EXT2: variants seen among roughly 807,000 people sequenced by gnomAD.
EXT2 encodes the protein exostosin-2.
In EXT2, 53 loss-of-function variants were observed where a neutral mutation model predicts 81.6. That is an observed-to-expected ratio of 0.65 (90% CI 0.52 to 0.82). The LOEUF is 0.82. Ranked by LOEUF, EXT2 falls within the 40% of genes least tolerant of loss-of-function variation. The pLI, the probability that EXT2 is intolerant of heterozygous loss-of-function variation, is 0.00. For missense variants in EXT2, 774 were observed against 910.2 expected (o/e 0.85, Z 1.93); for synonymous variants, 320 against 340.0 (o/e 0.94, Z 0.65).
At chr11:44,215,925 G>A (rs1477953672) in intron 10 of EXT2, among the ~76,000 whole-genome samples, 1 of 149,418 alleles carries the variant, frequency 6.7e-6, no homozygotes, top group Non-Finnish European at 1.5e-5. Flanking sequence ...GTCGGACTGC[G>A]GACTGCAGTG....
chr11:44,177,454 G>A (rs1037382058), intron 8 of EXT2, among the ~76,000 whole-genome samples: 1 of 152,126 alleles, frequency 6.6e-6, no homozygotes, highest in Non-Finnish European at 1.5e-5. Context: ...GTTCTCCTTG[G>A]ACACCCTCCT....
intron 8 of EXT2, among the ~76,000 whole-genome samples, chr11:44,184,636 A>G (rs1026420531): frequency 9.9e-5 from 15 of 152,282 alleles, no homozygotes; most frequent in Admixed American, 2.6e-4. Context: ...CTGTGGTCCT[A>G]GCTACTCGGG....
chr11:44,202,828 A>G (rs1366855614), intron 9 of EXT2, among the ~76,000 whole-genome samples: 2 of 152,178 alleles, frequency 1.3e-5, no homozygotes, highest in African/African-American at 4.8e-5. Context: ...AACTTGTTCA[A>G]GGTCACATGA....
chr11:44,180,513 A>G (rs1315345359), intron 8 of EXT2, among the ~76,000 whole-genome samples: 1 of 152,202 alleles, frequency 6.6e-6, no homozygotes, highest in African/African-American at 2.4e-5. Context: ...ATTCCCAAAC[A>G]AAATAATAAA....
intron 4 of EXT2, among the ~76,000 whole-genome samples, chr11:44,122,926 C>T (rs530254301): frequency 2.3e-4 from 35 of 152,322 alleles, no homozygotes; most frequent in African/African-American, 7.9e-4. Flanking sequence ...AATGGCCTCA[C>T]GTGGCTAGTT....
intron 6 of EXT2, among the ~76,000 whole-genome samples, chr11:44,129,444 T>C (rs1470178394): frequency 6.6e-6 from 1 of 152,210 alleles, no homozygotes; most frequent in Non-Finnish European, 1.5e-5. Flanking sequence ...TCCTTGCTGT[T>C]CCTGGAACTT....
intron 7 of EXT2, among the ~76,000 whole-genome samples, chr11:44,167,050 CTACA>C (rs1157650526): frequency 2.6e-5 from 4 of 152,192 alleles, no homozygotes; most frequent in Non-Finnish European, 4.4e-5. Context: ...TGGAATTGAG[CTACA>C]TAGTCACTCT....
Position 44,248,546 on chromosome 11 carries a change from T to C in EXT2, c.*4259T>C, listed in dbSNP as rs957715425. On this transcript the variant is annotated 3_prime_UTR_variant, in exon 14 of 14. Transcript: ENST00000533608. ...GTCCCATTATACCAGCCATGCATCA[T>C]CTGTGAACAGGCCTTATTGAGCTTA... Among the ~76,000 whole-genome samples the C allele has an allele frequency of 6.6e-6, 1 of 152,212 alleles. No homozygotes were observed. The highest frequency in any genetic ancestry group is 1.9e-4 in the East Asian group (1 of 5,204).
In EXT2 at chr11:44,246,641, G is replaced by A. The variant is rs1956096082; in HGVS notation, c.*2354G>A. Among the ~76,000 whole-genome samples the A allele has an allele frequency of 6.6e-6, 1 of 152,192 alleles. No individual in the cohort carries two copies. The highest frequency in any genetic ancestry group is 1.5e-5 in the Non-Finnish European group (1 of 68,034). On this transcript the variant is annotated 3_prime_UTR_variant, in exon 14 of 14. Coordinates refer to ENST00000533608, the MANE Select transcript of EXT2 (RefSeq NM_207122.2). ...CTAGGCACTTGAAACAACCTCAAAG[G>A]TGATGTTACCCTATGAACAGATAGG...
chr11:44,233,564 A>G (rs1437408338), intron 11 of EXT2, among the ~76,000 whole-genome samples: 1 of 152,192 alleles, frequency 6.6e-6, no homozygotes, highest in Non-Finnish European at 1.5e-5. Context: ...TTAAACAATC[A>G]TAACTTGTCT....
intron 13 of EXT2, among the ~76,000 whole-genome samples, chr11:44,238,077 G>A (rs961116011): frequency 6.6e-6 from 1 of 152,012 alleles, no homozygotes; most frequent in African/African-American, 2.4e-5. Flanking sequence ...CAACAAGAGT[G>A]AAACTCCATC....
At position 44,251,001 on chromosome 11, in the gene EXT2, C is replaced by T. The variant is rs1239322890; in HGVS notation, c.*6714C>T. Among the ~76,000 whole-genome samples the T allele has an allele frequency of 6.6e-6, 1 of 152,202 alleles. No homozygotes were observed. The highest frequency in any genetic ancestry group is 1.5e-5 in the Non-Finnish European group (1 of 68,042). ...TCTTTCTCTAGTAGATCATTGGGGGCTCACCTTGATCTCCTCTCTTCTGTC... is the reference window on the plus strand; with the variant it reads ...TCTTTCTCTAGTAGATCATTGGGGGTTCACCTTGATCTCCTCTCTTCTGTC... On this transcript the variant is annotated 3_prime_UTR_variant, in exon 14 of 14. Coordinates refer to ENST00000533608, the MANE Select transcript of EXT2 (RefSeq NM_207122.2).
intron 9 of EXT2, among the ~76,000 whole-genome samples, chr11:44,199,848 G>C (rs1184858549): frequency 6.6e-6 from 1 of 152,132 alleles, no homozygotes. Context: ...AAATGTAGTG[G>C]TTAATTTTAT....
At chr11:44,163,557 G>A (rs1324138456) in intron 7 of EXT2, among the ~76,000 whole-genome samples, 1 of 152,186 alleles carries the variant, frequency 6.6e-6, no homozygotes, top group Non-Finnish European at 1.5e-5. Flanking sequence ...ATTAGCCTTT[G>A]GCATATGTAT....
chr11:44,165,643 A>G (rs753414593), intron 7 of EXT2, among the ~76,000 whole-genome samples: 4 of 152,152 alleles, frequency 2.6e-5, no homozygotes, highest in Non-Finnish European at 4.4e-5. Context: ...CTCCACTGTG[A>G]TTATATGTGA....
intron 8 of EXT2, chr11:44,171,991 A>G: frequency 1.9e-6 from 1 of 531,750 alleles, no homozygotes; most frequent in East Asian, 3.4e-5. Flanking sequence ...TGCAGAGATA[A>G]GTAAGGAGGC....
chr11:44,140,275 C>T (rs1276455305), intron 7 of EXT2, among the ~76,000 whole-genome samples: 1 of 152,204 alleles, frequency 6.6e-6, no homozygotes, highest in Non-Finnish European at 1.5e-5. Flanking sequence ...TCTGCCTCCG[C>T]AGCATCACTG....
chr11:44,229,522 A>G (rs574024149), intron 10 of EXT2, among the ~76,000 whole-genome samples: 133 of 152,298 alleles, frequency 8.7e-4, no homozygotes, highest in African/African-American at 3.2e-3. Flanking sequence ...ATCCCAGACC[A>G]CGCCCAAGAC....
chr11:44,193,297 C>T (rs961465470), intron 8 of EXT2, among the ~76,000 whole-genome samples: 1 of 152,180 alleles, frequency 6.6e-6, no homozygotes, highest in African/African-American at 2.4e-5. Flanking sequence ...CTTAGGCTAC[C>T]TCCTATCCAC....
Sources: gnomAD v4.1 joint callset for allele counts (sites outside exome capture counted in the v4.1 genomes callset) on GRCh38, gnomAD v4.1.1 for gene constraint, MANE v1.5 for transcripts, NCBI Gene and HGNC (gene_info 2026-07-23, HGNC 2026-07-21) for gene names.